The following PASD1 variants were observed in gnomAD, a reference collection of about 807,000 sequenced individuals.
PASD1 encodes the protein PAS domain containing repressor 1.
Under a neutral mutation model 58.8 loss-of-function variants are expected in PASD1, and 13 were observed. That is an observed-to-expected ratio of 0.22 (90% CI 0.14 to 0.35). PASD1 has a LOEUF of 0.35. PASD1 is among the 10% of genes least tolerant of loss of function. The pLI is 1.00. For missense variants in PASD1, 734 were observed against 568.3 expected, an observed-to-expected ratio of 1.29 and a Z score of -2.96; for synonymous variants, 236 against 216.7, an observed-to-expected ratio of 1.09 and a Z score of -0.78.
At chrX:151,595,679 C>T (rs1041005646) in intron 1 of PASD1, among the ~76,000 whole-genome samples, 7 of 110,273 alleles carry the variant, frequency 6.3e-5, no homozygotes, top group African/African-American at 9.9e-5. Flanking sequence ...GAGCCGAGAT[C>T]GTGCCACTGT....
At position 151,584,373 on chromosome X, in the gene PASD1, G is replaced by C. The variant is rs768434742; in HGVS notation, c.-27-17154G>C. Among the ~76,000 whole-genome samples, 8 of 111,906 alleles carry C rather than the reference G, an allele frequency of 7.1e-5. No individual in the cohort carries two copies. The East Asian group carries it at 2.2e-3, about 31-fold the overall frequency. Reference sequence around the variant, plus strand: ...AATTCCACTTAAAATCTTACAATTCGTGTTTGTCACCTGGATATCTATAGG... The same window carrying C: ...AATTCCACTTAAAATCTTACAATTCCTGTTTGTCACCTGGATATCTATAGG... On this transcript the variant is annotated intron_variant, in intron 1 of 15. Coordinates refer to ENST00000370357, the MANE Select transcript of PASD1 (RefSeq NM_173493.3).
chrX:151,654,534 GACTT>G (rs763455845), intron 9 of PASD1, among the ~76,000 whole-genome samples: 1 of 112,142 alleles, frequency 8.9e-6, no homozygotes, highest in South Asian at 3.7e-4. Context: ...TAGCAAAAGA[GACTT>G]ACAAGTGACT....
chrX:151,614,583 G>T, intron 4 of PASD1, among the ~76,000 whole-genome samples: 1 of 112,220 alleles, frequency 8.9e-6, no homozygotes, highest in East Asian at 2.8e-4. Context: ...TTCACTAATG[G>T]TAGTAGTGTA....
chrX:151,647,557 T>C (rs2124295139), intron 8 of PASD1, among the ~76,000 whole-genome samples: 1 of 109,684 alleles, frequency 9.1e-6, no homozygotes, highest in South Asian at 3.8e-4. Flanking sequence ...ACTTTTTATA[T>C]ATTTTAAACA....
intron 10 of PASD1, among the ~76,000 whole-genome samples, chrX:151,663,149 A>G (rs2014332121): frequency 1.8e-5 from 2 of 111,968 alleles, no homozygotes; most frequent in Non-Finnish European, 3.8e-5. Context: ...CCATCACCAC[A>G]GTACCAAACA....
chrX:151,637,264 A>G (rs1269393070), intron 8 of PASD1, among the ~76,000 whole-genome samples: 2 of 112,594 alleles, frequency 1.8e-5, no homozygotes. Flanking sequence ...AATTGTTAGT[A>G]CATACAGTAA....
chrX:151,588,759 C>G (rs1231366353), intron 1 of PASD1, among the ~76,000 whole-genome samples: 2 of 112,000 alleles, frequency 1.8e-5, no homozygotes, highest in Non-Finnish European at 3.8e-5. Context: ...CTTAGTCTCT[C>G]TTTATGAAAG....
chrX:151,625,427 A>T (rs760773598), intron 7 of PASD1, 21 bp from the exon 8 acceptor site: 1 of 1,165,844 alleles, frequency 8.6e-7, no homozygotes, highest in Non-Finnish European at 1.2e-6. Flanking sequence ...TAAATGTCTA[A>T]ATATTTGAAT....
Position 151,676,158 on chromosome X carries a change from C to T in PASD1, c.*15C>T. ...AGCCGTGCTAACAGTACTTTCATGA[C>T]CAGTGATGAGGGGAAATGGGGGGAG... On this transcript the variant is annotated 3_prime_UTR_variant, in exon 16 of 16. Transcript: ENST00000370357. 1 of 1,198,310 alleles carries T rather than the reference C, an allele frequency of 8.3e-7. No homozygotes were observed. Among genetic ancestry groups the T allele is most frequent in the Non-Finnish European group, 1.1e-6 (1 of 888,549 alleles).
intron 1 of PASD1, among the ~76,000 whole-genome samples, chrX:151,566,713 C>T (rs906800490): frequency 1.8e-5 from 2 of 111,918 alleles, no homozygotes; most frequent in Non-Finnish European, 3.8e-5. Context: ...ATTTGAAAAT[C>T]TGAAGTCCAA....
chrX:151,634,425 G>T (rs1427474110), intron 8 of PASD1, among the ~76,000 whole-genome samples: 3 of 110,162 alleles, frequency 2.7e-5, no homozygotes, highest in Non-Finnish European at 5.7e-5. Flanking sequence ...AGGAATTTTG[G>T]TATCTGTGGA....
At chrX:151,656,212 A>G (rs1334223222) in intron 9 of PASD1, among the ~76,000 whole-genome samples, 3 of 111,189 alleles carry the variant, frequency 2.7e-5, no homozygotes, top group African/African-American at 9.8e-5. Context: ...CCATTGGTCT[A>G]TATCTCTGTT....
In PASD1 at chrX:151,672,401, G is replaced by A. The variant is rs1238581473; in HGVS notation, c.1656G>A (p.Gln552=). 1 of 1,210,238 alleles carries A rather than the reference G, an allele frequency of 8.3e-7. No homozygotes were observed. The stretch of plus-strand genomic sequence containing the variant: ...AGGAGCGGAAGAAGTGGCAGGGGCA[G>A]ATGCTACAGAAAGAGCCAGAGGAGG... ...KLQERKKWQG[Q]MLQKEPEEEQ... is the part of the protein sequence containing the mutation. Residue 552 remains glutamine (Q), a synonymous_variant, in exon 14 of 16, where the codon CAG becomes CAA. Transcript: ENST00000370357.
At chrX:151,646,988 A>G (rs956603086) in intron 8 of PASD1, among the ~76,000 whole-genome samples, 2 of 112,212 alleles carry the variant, frequency 1.8e-5, no homozygotes, top group African/African-American at 6.5e-5. Flanking sequence ...AGAGTCTAGG[A>G]TGACTTGGAG....
chrX:151,608,895 G>T lies in PASD1; in HGVS notation c.118-2769G>T, dbSNP rs190234630. On this transcript the variant is annotated intron_variant, in intron 3 of 15. Transcript: ENST00000370357. ...TATCTTCATAATGTCTAAAGCTTCT[G>T]TAATGATATCCACTTTTCACTCCTA... Among the ~76,000 whole-genome samples, 338 of 111,393 alleles carry T rather than the reference G, an allele frequency of 3.0e-3. 1 individual carries two copies. The highest frequency in any genetic ancestry group is 0.01 in the African/African-American group (321 of 30,731).
At chrX:151,595,963 C>T (rs1255636862) in intron 1 of PASD1, among the ~76,000 whole-genome samples, 3 of 111,205 alleles carry the variant, frequency 2.7e-5, no homozygotes, top group Non-Finnish European at 5.7e-5. Flanking sequence ...CTGTGGAGCT[C>T]TTCTCATTTT....
chrX:151,642,997 A>C (rs1357731564), intron 8 of PASD1, among the ~76,000 whole-genome samples: 1 of 111,707 alleles, frequency 9.0e-6, no homozygotes, highest in Non-Finnish European at 1.9e-5. Flanking sequence ...GGAAATGAGG[A>C]GCTAAGCAGG....
At position 151,623,156 on chromosome X, in the gene PASD1, A is replaced by G. The variant is rs757776753; in HGVS notation, c.546+92A>G. On this transcript the variant is annotated intron_variant, in intron 7 of 15. Transcript: ENST00000370357. ...CCTTTGGTCTGTCAGCCACTGGACA[A>G]CATTGCTAAATTACTCAGTGTGTGC... The G allele has an allele frequency of 7.3e-5, 74 of 1,019,514 alleles. No individual in the cohort carries two copies. The South Asian group carries it at 9.7e-4, about 13-fold the overall frequency. 84.0% of individuals were successfully genotyped at this position (1,019,514 alleles called of 1,213,427 possible).
At chrX:151,667,648 C>T (rs1228091328) in intron 11 of PASD1, among the ~76,000 whole-genome samples, 4 of 111,953 alleles carry the variant, frequency 3.6e-5, no homozygotes, top group Non-Finnish European at 5.6e-5. Context: ...ATCCTTTCCC[C>T]GTTTCTTGTT....
Sources: gnomAD v4.1 joint callset for allele counts (sites outside exome capture counted in the v4.1 genomes callset) on GRCh38, gnomAD v4.1.1 for gene constraint, MANE v1.5 for transcripts, NCBI Gene and HGNC (gene_info 2026-07-23, HGNC 2026-07-21) for gene names.